Variants in TMTC1 observed in about 807,000 individuals in gnomAD.
TMTC1 encodes the protein protein O-mannosyl-transferase TMTC1.
In TMTC1, 73 loss-of-function variants were observed where a neutral mutation model predicts 104.8. The ratio of observed to expected loss-of-function variants is 0.70; its 90% CI spans 0.58 to 0.85. The LOEUF (loss-of-function observed/expected upper bound fraction) is 0.85, where lower values mean the gene tolerates loss of function less well. Among genes scored for constraint, TMTC1 ranks in the 40% least tolerant of loss-of-function variants. The probability of loss-of-function intolerance (pLI) is 0.00; values close to 1 mark genes in which losing one functional copy is unlikely to be tolerated. For missense variants in TMTC1, 1,035 were observed against 1,096.1 expected, an observed-to-expected ratio of 0.94 and a Z score of 0.79; for synonymous variants, 434 against 428.7, an observed-to-expected ratio of 1.01 and a Z score of -0.15.
At chr12:29,631,377 CT>C (rs1445736827) in intron 6 of TMTC1, among the ~76,000 whole-genome samples, 1 of 152,056 alleles carries the variant, frequency 6.6e-6, no homozygotes, top group Non-Finnish European at 1.5e-5. Context: ...GTGTAATTTG[CT>C]TTTATTTTTA....
intron 8 of TMTC1, among the ~76,000 whole-genome samples, chr12:29,578,251 C>T (rs1185614620): frequency 2.0e-5 from 3 of 151,930 alleles, no homozygotes; most frequent in African/African-American, 7.3e-5. Context: ...TTTTTCCCAT[C>T]GTTGGTTTTG....
At chr12:29,511,973 A>C (rs1943849643) in intron 17 of TMTC1, 70 bp downstream of exon 17, 1 of 1,394,200 alleles carries the variant, frequency 7.2e-7, no homozygotes, top group Non-Finnish European at 1.0e-6. Context: ...TCAATCCTTT[A>C]AGAAAGAAGA....
At chr12:29,583,300 T>C (rs1946033285) in intron 8 of TMTC1, 107 bp downstream of exon 8, 2 of 1,007,526 alleles carry the variant, frequency 2.0e-6, no homozygotes, top group Non-Finnish European at 2.8e-6. Context: ...TAAAGATAAT[T>C]TTCCTTAGTA....
chr12:29,546,122 G>A (rs149647307), intron 10 of TMTC1, among the ~76,000 whole-genome samples: 1 of 152,330 alleles, frequency 6.6e-6, no homozygotes, highest in East Asian at 1.9e-4. Context: ...GAAAGCACTG[G>A]CATCAGTTTC....
At chr12:29,569,066 G>A (rs1023234489) in intron 9 of TMTC1, 1 of 443,252 alleles carries the variant, frequency 2.3e-6, no homozygotes, top group Non-Finnish European at 4.5e-6. Flanking sequence ...TTTAAGAAAA[G>A]GGTTTTGACA....
rs868721084 is a variant in TMTC1 at position 29,638,523 on chromosome 12, C to T, written c.939-5187G>A. Among the ~76,000 whole-genome samples the T allele has an allele frequency of 3.9e-5, 6 of 152,146 alleles. No homozygotes were observed. The South Asian group carries it at 1.2e-3, about 32-fold the overall frequency. On this transcript the variant is annotated intron_variant, in intron 5 of 17. Transcript: ENST00000539277. ...TTTCTGGTACACTAGGGCAAGAACTCAGGATACAGAAAGCCCTCTGTCCTG... is the reference window on the plus strand; with the variant it reads ...TTTCTGGTACACTAGGGCAAGAACTTAGGATACAGAAAGCCCTCTGTCCTG...
At chr12:29,550,845 G>C (rs938426211) in intron 10 of TMTC1, among the ~76,000 whole-genome samples, 1 of 146,444 alleles carries the variant, frequency 6.8e-6, no homozygotes, top group African/African-American at 2.5e-5. Context: ...GATGAGGATG[G>C]TGTTATGAGA....
At chr12:29,752,002 T>C in intron 4 of TMTC1, 130 bp from the exon 5 acceptor site, 4 of 848,738 alleles carry the variant, frequency 4.7e-6, no homozygotes, top group Non-Finnish European at 7.1e-6. Context: ...TCTTTAGCCC[T>C]TGTGTTTCTG....
intron 6 of TMTC1, among the ~76,000 whole-genome samples, chr12:29,630,094 A>T (rs1277274578): frequency 6.6e-6 from 1 of 152,150 alleles, no homozygotes; most frequent in Non-Finnish European, 1.5e-5. Context: ...GTTATAGTCA[A>T]CCTCCAACCC....
At chr12:29,698,689 G>A (rs12298340) in intron 5 of TMTC1, among the ~76,000 whole-genome samples, 6,837 of 152,208 alleles carry the variant, frequency 0.045, 194 homozygotes, top group Middle Eastern at 0.072. Context: ...TGCCTGGAAC[G>A]TGGACCTCAG....
intron 2 of TMTC1, among the ~76,000 whole-genome samples, chr12:29,760,683 A>G (rs1286938834): frequency 2.0e-5 from 3 of 152,022 alleles, no homozygotes; most frequent in African/African-American, 7.2e-5. Flanking sequence ...CATCAAACTC[A>G]ATATGAGGAA....
In TMTC1 at chr12:29,505,105, CATTT is replaced by C. The variant is rs1943669826; in HGVS notation, c.*1737_*1740del. 1 of 152,192 alleles carries C rather than the reference CATTT, an allele frequency of 6.6e-6. No individual in the cohort carries two copies. The highest frequency in any genetic ancestry group is 2.1e-4 in the South Asian group (1 of 4,830). The allele number at this position is 152,192 out of a possible 1,614,324, so 9.4% of individuals were successfully genotyped here. A position where few individuals can be genotyped will look rare whatever the true frequency, so the allele number is the denominator to read the frequency against. On this transcript the variant is annotated 3_prime_UTR_variant, in exon 18 of 18. Coordinates refer to ENST00000539277, the MANE Select transcript of TMTC1 (RefSeq NM_001193451.2). ...TGCATGCTAATTCAAATTCTGTAATCATTTTCATTTAAAATACTCCCTTCGCCAT... is the reference window on the plus strand; with the variant it reads ...TGCATGCTAATTCAAATTCTGTAATCTCATTTAAAATACTCCCTTCGCCAT...
At position 29,514,560 on chromosome 12, in the gene TMTC1, G is replaced by A. The variant is rs145162450; in HGVS notation, c.2352C>T (p.Asp784=). ...AAAAAAGTTCAGAAATGACTTTTGGGTCCTTTGGTTTCAGCTGGAGAGCCT... is the reference window on the plus strand; with the variant it reads ...AAAAAAGTTCAGAAATGACTTTTGGATCCTTTGGTTTCAGCTGGAGAGCCT... ...IDKALQLKPK[D]PKVISELFFT... is the part of the protein sequence containing the mutation. The change falls in exon 16 of 18, where the codon GAC becomes GAT. Residue 784 remains aspartate, a synonymous_variant. Transcript: ENST00000539277. The A allele has an allele frequency of 8.3e-5, 134 of 1,614,012 alleles. No homozygotes were observed. The African/African-American group carries it at 1.5e-3, about 18-fold the overall frequency.
At chr12:29,602,152 A>G (rs1236030103) in intron 7 of TMTC1, among the ~76,000 whole-genome samples, 1 of 138,636 alleles carries the variant, frequency 7.2e-6, no homozygotes, top group Non-Finnish European at 1.6e-5. Flanking sequence ...TTTTAAATTT[A>G]TTTTTTCTGA....
At chr12:29,652,246 A>G (rs898275067) in intron 5 of TMTC1, among the ~76,000 whole-genome samples, 2 of 152,212 alleles carry the variant, frequency 1.3e-5, no homozygotes, top group African/African-American at 4.8e-5. Flanking sequence ...CTAGGGAAGC[A>G]TATAAATCCT....
Position 29,723,207 on chromosome 12 carries a change from C to T in TMTC1, c.938+28459G>A, listed in dbSNP as rs1942287948. 3.3e-5 allele frequency among the ~76,000 whole-genome samples: 5 copies of T among 151,958 alleles called. No homozygotes were observed. The South Asian group carries it at 8.3e-4, about 25-fold the overall frequency. ...CAGTTTCTTATCCATTATAAGAAAACTCAGTATTATTAATGTCAATTCTCC... is the reference window on the plus strand; with the variant it reads ...CAGTTTCTTATCCATTATAAGAAAATTCAGTATTATTAATGTCAATTCTCC... On this transcript the variant is annotated intron_variant, in intron 5 of 17. Coordinates refer to ENST00000539277, the MANE Select transcript of TMTC1 (RefSeq NM_001193451.2).
At chr12:29,529,916 A>C (rs1944453239) in intron 11 of TMTC1, 1 of 152,192 alleles carries the variant, frequency 6.6e-6, no homozygotes, top group South Asian at 2.1e-4. Flanking sequence ...AGAAGTGACC[A>C]CTTTAAAGAT....
At chr12:29,634,644 T>A (rs1203494530) in intron 5 of TMTC1, among the ~76,000 whole-genome samples, 1 of 152,180 alleles carries the variant, frequency 6.6e-6, no homozygotes, top group East Asian at 1.9e-4. Flanking sequence ...AACAGAAGAA[T>A]TAGATGAATT....
chr12:29,744,297 C>T (rs1300889016), intron 5 of TMTC1, among the ~76,000 whole-genome samples: 1 of 152,148 alleles, frequency 6.6e-6, no homozygotes, highest in East Asian at 1.9e-4. Flanking sequence ...CTATCAACTG[C>T]TAAATGATGA....
Sources: gnomAD v4.1 joint callset for allele counts (sites outside exome capture counted in the v4.1 genomes callset) on GRCh38, gnomAD v4.1.1 for gene constraint, MANE v1.5 for transcripts, NCBI Gene and HGNC (gene_info 2026-07-23, HGNC 2026-07-21) for gene names.